Variants in DIAPH1 observed in about 807,000 individuals in gnomAD.
DIAPH1 encodes the protein diaphanous related formin 1.
Under a neutral mutation model 140.7 loss-of-function variants are expected in DIAPH1, and 46 were observed. The ratio of observed to expected loss-of-function variants is 0.33; its 90% CI spans 0.26 to 0.42. The LOEUF is 0.42. Ranked by LOEUF, DIAPH1 falls within the 10% of genes least tolerant of loss-of-function variation. The pLI, the probability that DIAPH1 is intolerant of heterozygous loss-of-function variation, is 1.00. For missense variants in DIAPH1, 1,310 were observed against 1,558.7 expected (o/e 0.84, Z 2.69); for synonymous variants, 565 against 551.6 (o/e 1.02, Z -0.34).
In DIAPH1 at chr5:141,573,998, G is replaced by T; in HGVS notation, c.1852C>A (p.Pro618Thr). 1.8e-6 allele frequency: 2 copies of T among 1,107,970 alleles called. No homozygotes were observed. Among genetic ancestry groups the T allele is most frequent in the Non-Finnish European group, 2.3e-6 (2 of 851,982 alleles). The allele number at this position is 1,107,970 out of a possible 1,614,324, so 68.6% of individuals were successfully genotyped here. The change falls in exon 16 of 28, where the codon CCA (proline) becomes ACA (threonine). Residue 618 changes from proline to threonine, a missense_variant. Coordinates refer to ENST00000389054, the MANE Select transcript of DIAPH1 (RefSeq NM_005219.5). ...PPPPPPPPPP[P>T]PPLPGGVCIS... ...CAAACACCCCCAGGCAAAGGAGGTG[G>T]AGGAGGAGGAGGAGGAGGAGGAGGA... is the stretch of plus-strand genomic sequence containing the variant.
chr5:141,611,677 A>T (rs1351550074), intron 1 of DIAPH1, among the ~76,000 whole-genome samples: 1 of 152,274 alleles, frequency 6.6e-6, no homozygotes. Context: ...CATAGATAGC[A>T]AATGGGCAAA....
chr5:141,557,365 GTTGA>G (rs1035456530), intron 18 of DIAPH1, among the ~76,000 whole-genome samples: 6 of 152,144 alleles, frequency 3.9e-5, no homozygotes, highest in Admixed American at 2.0e-4. Context: ...AAGACTAGCT[GTTGA>G]TTAAGTTTTT....
At chr5:141,539,552 G>A (rs1190644047) in intron 18 of DIAPH1, among the ~76,000 whole-genome samples, 5 of 151,596 alleles carry the variant, frequency 3.3e-5, no homozygotes, top group African/African-American at 9.7e-5. Flanking sequence ...TTACAGGCGT[G>A]AGCCACCGTG....
Position 141,580,820 on chromosome 5 carries a change from G to T in DIAPH1, c.748C>A (p.Pro250Thr), listed in dbSNP as rs2099896643. The T allele has an allele frequency of 6.2e-7, 1 of 1,614,056 alleles. No homozygotes were observed. The highest frequency in any genetic ancestry group is 8.5e-7 in the Non-Finnish European group (1 of 1,180,020). Reference sequence around the variant, plus strand: ...TCAATCATCATGTTGGGAACAGCAGGATCCATGGCTCTGACCAGCAGTAGG... The same window carrying T: ...TCAATCATCATGTTGGGAACAGCAGTATCCATGGCTCTGACCAGCAGTAGG... Reference protein sequence around the residue: ...GILLLVRAMDPAVPNMMIDAA... With the variant: ...GILLLVRAMDTAVPNMMIDAA... Residue 250 changes from proline to threonine, a missense_variant, in exon 8 of 28, where the codon CCT becomes ACT. Pro to Thr is a conservative substitution (Grantham distance 38). This residue lies in a region of DIAPH1 where 377 missense variants were observed against 497.1 expected (regional missense o/e 0.76). Transcript: ENST00000389054.
intron 18 of DIAPH1, 106 bp downstream of exon 18, chr5:141,571,322 C>T: frequency 1.0e-6 from 1 of 991,954 alleles, no homozygotes; most frequent in Non-Finnish European, 1.5e-6. Flanking sequence ...CAAGTCAACC[C>T]TCAATCTCTG....
In DIAPH1 at chr5:141,618,874, G is replaced by A. The variant is rs2099903141; in HGVS notation, c.41C>T (p.Thr14Ile). 6 of 1,522,620 alleles carry A rather than the reference G, an allele frequency of 3.9e-6. No individual in the cohort carries two copies. In the Admixed American group the frequency reaches 8.3e-5, roughly 21 times the overall value. 94.3% of individuals were successfully genotyped at this position (1,522,620 alleles called of 1,614,324 possible). ...GCTCCGGCCCTTCTTCTTGTCCCGG[G>A]TCCCGCGGCCGGGCCCCAGGCTCCC... ...PGGSLGPGRGTRDKKKGRSPD... is the reference protein window; with the variant it reads ...PGGSLGPGRGIRDKKKGRSPD... Residue 14 changes from threonine (T) to isoleucine (I), a missense_variant, in exon 1 of 28, where the codon ACC (threonine) becomes ATC (isoleucine). Transcript: ENST00000389054.
At chr5:141,524,532 C>T (rs745984545) in intron 26 of DIAPH1, 19 of 441,506 alleles carry the variant, frequency 4.3e-5, no homozygotes, top group Non-Finnish European at 7.2e-5. Flanking sequence ...ATACAACTGC[C>T]CAACTCCAAG....
intron 27 of DIAPH1, among the ~76,000 whole-genome samples, chr5:141,521,634 G>A (rs1342905153): frequency 6.6e-6 from 1 of 152,120 alleles, no homozygotes; most frequent in South Asian, 2.1e-4. Flanking sequence ...AGGGACAGCT[G>A]CCTCTCTGGA....
chr5:141,529,422 T>C, intron 20 of DIAPH1, 149 bp from the exon 21 acceptor site: 1 of 894,756 alleles, frequency 1.1e-6, no homozygotes, highest in Non-Finnish European at 1.8e-6. Context: ...GCTACTGAGA[T>C]GGGGGTACTT....
Position 141,576,912 on chromosome 5 carries a change from A to C in DIAPH1, c.1281-41T>G, listed in dbSNP as rs775409291. 5.6e-6 allele frequency: 7 copies of C among 1,256,362 alleles called. No homozygotes were observed. The East Asian group carries it at 1.6e-4, about 29-fold the overall frequency. The allele number at this position is 1,256,362 out of a possible 1,614,324, so 77.8% of individuals were successfully genotyped here. ...AACAGGGTCATCAAAGGAAAATCAA[A>C]ATATAATTTTCAGAAGTATTCAGGA... On this transcript the variant is annotated intron_variant, in intron 12 of 27. Coordinates refer to ENST00000389054, the MANE Select transcript of DIAPH1 (RefSeq NM_005219.5).
intron 1 of DIAPH1, among the ~76,000 whole-genome samples, chr5:141,616,607 CAG>C (rs2099902722): frequency 6.6e-6 from 1 of 152,122 alleles, no homozygotes; most frequent in Non-Finnish European, 1.5e-5. Context: ...CTCATTTCCA[CAG>C]AGTTCTCATA....
intron 24 of DIAPH1, 38 bp downstream of exon 24, chr5:141,527,535 T>C: frequency 1.2e-6 from 2 of 1,611,354 alleles, no homozygotes; most frequent in Non-Finnish European, 1.7e-6. Flanking sequence ...TTTCTTTCCC[T>C]TCCTAGGGAA....
At position 141,586,586 on chromosome 5, in the gene DIAPH1, T is replaced by G. The variant is rs114969025; in HGVS notation, c.300+456A>C. On this transcript the variant is annotated intron_variant, in intron 3 of 27. Transcript: ENST00000389054. ...ACTTCAGACACAATCTTTAAAGGTCTTCTAGCAATTCTATGTATTTTCTTT... is the reference window on the plus strand; with the variant it reads ...ACTTCAGACACAATCTTTAAAGGTCGTCTAGCAATTCTATGTATTTTCTTT... Among the ~76,000 whole-genome samples the G allele has an allele frequency of 4.1e-3, 632 of 152,362 alleles. 7 individuals carry two copies. The highest frequency in any genetic ancestry group is 0.028 in the South Asian group (136 of 4,830).
At chr5:141,576,381 T>C in intron 13 of DIAPH1, 87 bp from the exon 14 acceptor site, 1 of 1,059,228 alleles carries the variant, frequency 9.4e-7, no homozygotes, top group Non-Finnish European at 1.5e-6. Flanking sequence ...AACAGTCTTT[T>C]TGATCATTTT....
intron 19 of DIAPH1, among the ~76,000 whole-genome samples, chr5:141,534,033 CAAAAAAAAA>C (rs35815835): frequency 6.0e-5 from 3 of 49,970 alleles, no homozygotes; most frequent in African/African-American, 2.5e-4. Context: ...GACTGTGTCT[CAAAAAAAAA>C]AAAAAAAAAA....
chr5:141,582,359 T>C lies in DIAPH1; in HGVS notation c.637A>G (p.Asn213Asp), dbSNP rs1480345277. 1 of 1,613,684 alleles carries C rather than the reference T, an allele frequency of 6.2e-7. No homozygotes were observed. Among genetic ancestry groups the C allele is most frequent in the Non-Finnish European group, 8.5e-7 (1 of 1,179,578 alleles). Residue 213 changes from asparagine to aspartate, a missense_variant, in exon 7 of 28, where the codon AAC (asparagine) becomes GAC (aspartate). Transcript: ENST00000389054. ...EETAGSYDSR[N>D]KHEIIRCLKA... ...AAGCAGCGAATGATCTCATGCTTGT[T>C]CCGGCTATCGTAACTCCTGTATATA...
rs184529541 is a variant in DIAPH1 at position 141,567,054 on chromosome 5, G to C, written c.2482+4374C>G. ...AGAGGGTACAGTGGACCAGTTTCAG[G>C]AGCTTAGGTGGGATGGGAGGAGACA... On this transcript the variant is annotated intron_variant, in intron 18 of 27. Coordinates refer to ENST00000389054, the MANE Select transcript of DIAPH1 (RefSeq NM_005219.5). 5.2e-3 allele frequency among the ~76,000 whole-genome samples: 787 copies of C among 152,322 alleles called. 32 individuals are homozygous for C. The highest frequency in any genetic ancestry group is 0.048 in the Admixed American group (733 of 15,292).
At position 141,587,075 on chromosome 5, in the gene DIAPH1, A is replaced by T; in HGVS notation, c.267T>A (p.Asp89Glu). The change falls in exon 3 of 28, where the codon GAT (aspartate) becomes GAA (glutamate). Residue 89 changes from aspartate to glutamate, a missense_variant. Transcript: ENST00000389054. Reference sequence around the variant, plus strand: ...GTTCAAAGAGAACCAGCACTTGTTCATCTGAAACATCTTGCAATGACTGTG... The same window carrying T: ...GTTCAAAGAGAACCAGCACTTGTTCTTCTGAAACATCTTGCAATGACTGTG... ...PTAQSLQDVS[D>E]EQVLVLFEQM... is the part of the protein sequence containing the mutation. 1 of 1,614,202 alleles carries T rather than the reference A, an allele frequency of 6.2e-7. No individual in the cohort carries two copies. The highest frequency in any genetic ancestry group is 8.5e-7 in the Non-Finnish European group (1 of 1,180,024).
Position 141,526,433 on chromosome 5 carries a change from T to C in DIAPH1, c.3302A>G (p.Tyr1101Cys), listed in dbSNP as rs772204178. 9 of 1,614,078 alleles carry C rather than the reference T, an allele frequency of 5.6e-6. No homozygotes were observed. Among genetic ancestry groups the C allele is most frequent in the Non-Finnish European group, 6.8e-6 (8 of 1,180,048 alleles). Residue 1101 changes from tyrosine (Y) to cysteine (C), a missense_variant, in exon 25 of 28, where the codon TAT becomes TGT. Around this residue, in one of 3 missense-constraint regions of DIAPH1, gnomAD observed 344 missense variants for 512.2 expected, o/e 0.67. Coordinates refer to ENST00000389054, the MANE Select transcript of DIAPH1 (RefSeq NM_005219.5). ...TSFVKDAQEQ[Y>C]NKLRMMHSNM... Reference sequence around the variant, plus strand: ...AGAATGCATCATCCGCAGCTTGTTATACTGTTCCTGTGCATCCTTCACAAA... The same window carrying C: ...AGAATGCATCATCCGCAGCTTGTTACACTGTTCCTGTGCATCCTTCACAAA...
Sources: allele counts gnomAD v4.1 joint callset (sites outside exome capture counted in the v4.1 genomes callset), GRCh38; gene constraint gnomAD v4.1.1; regional missense constraint gnomAD v4.1.1; transcripts MANE v1.5; gene names NCBI Gene and HGNC (gene_info 2026-07-23, HGNC 2026-07-21).